The following PRSS12 variants were observed in gnomAD, a reference collection of about 807,000 sequenced individuals.
PRSS12 encodes the protein neurotrypsin.
A neutral mutation model predicts 104.4 loss-of-function variants in PRSS12; 85 were observed. The ratio of observed to expected loss-of-function variants is 0.81; its 90% CI spans 0.68 to 0.98. PRSS12 has a LOEUF of 0.98. Ranked by LOEUF, PRSS12 falls within the 50% of genes least tolerant of loss-of-function variation. The pLI, the probability that PRSS12 is intolerant of heterozygous loss-of-function variation, is 0.00. For missense variants in PRSS12, 1,141 were observed against 1,139.2 expected, an observed-to-expected ratio of 1.00 and a Z score of -0.02; for synonymous variants, 454 against 425.2, an observed-to-expected ratio of 1.07 and a Z score of -0.83.
chr4:118,316,968 T>C (rs188392329), intron 5 of PRSS12, among the ~76,000 whole-genome samples: 10 of 151,490 alleles, frequency 6.6e-5, no homozygotes, highest in East Asian at 1.9e-4. Flanking sequence ...GGAAATTTCA[T>C]ATAACTTTAG....
At chr4:118,334,906 C>T (rs1004496093) in intron 3 of PRSS12, among the ~76,000 whole-genome samples, 5 of 152,172 alleles carry the variant, frequency 3.3e-5, no homozygotes. Context: ...CCTTCCTCTA[C>T]TTCCATGAAT....
rs1185633956 is a variant in PRSS12 at position 118,298,189 on chromosome 4, CTA to C, written c.1837+542_1837+543del. Among the ~76,000 whole-genome samples the C allele has an allele frequency of 2.0e-5, 3 of 151,236 alleles. No homozygotes were observed. In the East Asian group the frequency reaches 5.8e-4, roughly 29 times the overall value. The stretch of plus-strand genomic sequence containing the variant: ...AATGTATGCAGAGCTTTCAAGAACT[CTA>C]TTCATTTAAAGTATGAAACATTACT... On this transcript the variant is annotated intron_variant, in intron 9 of 12. Coordinates refer to ENST00000296498, the MANE Select transcript of PRSS12 (RefSeq NM_003619.4).
chr4:118,293,017 A>AT (rs1743164275), intron 11 of PRSS12, among the ~76,000 whole-genome samples: 1 of 151,558 alleles, frequency 6.6e-6, no homozygotes, highest in African/African-American at 2.4e-5. Context: ...TCCATCTCAA[A>AT]AAATAATAAT....
At chr4:118,335,003 C>T (rs1724024920) in intron 3 of PRSS12, among the ~76,000 whole-genome samples, 2 of 152,252 alleles carry the variant, frequency 1.3e-5, no homozygotes, top group East Asian at 3.9e-4. Flanking sequence ...TTCAAGCCAA[C>T]AATCCATTTT....
At chr4:118,321,330 C>T (rs1398684443) in intron 4 of PRSS12, among the ~76,000 whole-genome samples, 1 of 152,122 alleles carries the variant, frequency 6.6e-6, no homozygotes, top group Non-Finnish European at 1.5e-5. Context: ...GAGAAGAGTG[C>T]ACTAATCATG....
chr4:118,304,585 C>T (rs1247796190), intron 8 of PRSS12, among the ~76,000 whole-genome samples: 2 of 151,838 alleles, frequency 1.3e-5, no homozygotes, highest in African/African-American at 2.4e-5. Flanking sequence ...AAAAACAATG[C>T]TATATTGGAA....
At chr4:118,290,523 T>C (rs1743104296) in intron 11 of PRSS12, among the ~76,000 whole-genome samples, 1 of 152,214 alleles carries the variant, frequency 6.6e-6, no homozygotes. Flanking sequence ...CTTTCACTAA[T>C]ATAGTCTTCA....
chr4:118,303,579 T>C (rs1296972913), intron 8 of PRSS12: 1 of 152,148 alleles, frequency 6.6e-6, no homozygotes, highest in African/African-American at 2.4e-5. Context: ...TTCTCACTGG[T>C]TTACTGAATC....
At chr4:118,309,290 A>G (rs1031192085) in intron 7 of PRSS12, among the ~76,000 whole-genome samples, 11 of 152,220 alleles carry the variant, frequency 7.2e-5, no homozygotes, top group Non-Finnish European at 1.5e-4. Flanking sequence ...ACCAATAATT[A>G]TGATTTTGAA....
At chr4:118,346,718 GAGCTCTGCCTCCTA>G (rs1024663517) in intron 1 of PRSS12, among the ~76,000 whole-genome samples, 3 of 152,248 alleles carry the variant, frequency 2.0e-5, no homozygotes, top group African/African-American at 4.8e-5. Context: ...ATTACCACCT[GAGCTCTGCCTCCTA>G]AGCTCTGCCT....
chr4:118,316,837 A>AAAAAAATAT (rs35698159), intron 5 of PRSS12, among the ~76,000 whole-genome samples: 77 of 99,182 alleles, frequency 7.8e-4, no homozygotes, highest in African/African-American at 2.5e-3. Context: ...AAAAAAAAAA[A>AAAAAAATAT]ATATATATAT....
chr4:118,316,083 A>G (rs560303980), intron 6 of PRSS12, 99 bp downstream of exon 6: 2 of 1,346,644 alleles, frequency 1.5e-6, no homozygotes, highest in Admixed American at 3.6e-5. Context: ...GAGAACAGGT[A>G]TTTTTATTAT....
At chr4:118,348,713 G>A (rs765229895) in intron 1 of PRSS12, among the ~76,000 whole-genome samples, 6 of 150,804 alleles carry the variant, frequency 4.0e-5, no homozygotes, top group Non-Finnish European at 5.9e-5. Context: ...GTGCAATAGC[G>A]TGAGTTCGGC....
At chr4:118,306,845 T>G (rs1253298818) in intron 8 of PRSS12, among the ~76,000 whole-genome samples, 1 of 152,156 alleles carries the variant, frequency 6.6e-6, no homozygotes, top group Admixed American at 6.5e-5. Context: ...TAGAAAATTT[T>G]TCTCTCCTTA....
At chr4:118,335,399 GAC>G in intron 3 of PRSS12, 72 bp downstream of exon 3, 2 of 1,533,866 alleles carry the variant, frequency 1.3e-6, no homozygotes, top group Non-Finnish European at 1.8e-6. Context: ...TTATAACTAA[GAC>G]ACTTTCATCA....
chr4:118,348,831 A>G (rs1160021533), intron 1 of PRSS12, among the ~76,000 whole-genome samples: 2 of 152,164 alleles, frequency 1.3e-5, no homozygotes, highest in East Asian at 1.9e-4. Flanking sequence ...TTGTATTTTT[A>G]GTAGAGACAG....
At chr4:118,293,933 A>G (rs1316351238) in intron 11 of PRSS12, among the ~76,000 whole-genome samples, 1 of 152,214 alleles carries the variant, frequency 6.6e-6, no homozygotes, top group African/African-American at 2.4e-5. Context: ...TTTTCTATCA[A>G]TGAAAGAATG....
intron 4 of PRSS12, among the ~76,000 whole-genome samples, chr4:118,327,159 A>G (rs1046953838): frequency 2.0e-5 from 3 of 152,072 alleles, no homozygotes; most frequent in African/African-American, 4.8e-5. Context: ...CAAAGAAAAA[A>G]AATTTTTTTT....
At chr4:118,288,726 G>A (rs561014388) in intron 11 of PRSS12, among the ~76,000 whole-genome samples, 3 of 152,198 alleles carry the variant, frequency 2.0e-5, no homozygotes, top group Non-Finnish European at 2.9e-5. Context: ...CAATAGACAC[G>A]CAAGGCAATT....
Sources: gnomAD v4.1 joint callset for allele counts (sites outside exome capture counted in the v4.1 genomes callset) on GRCh38, gnomAD v4.1.1 for gene constraint, MANE v1.5 for transcripts, NCBI Gene and HGNC (gene_info 2026-07-23, HGNC 2026-07-21) for gene names.